Variants in OR1J2 observed in about 807,000 individuals in gnomAD.
OR1J2 encodes the protein olfactory receptor 1J2.
For synonymous variants in OR1J2, 142 were observed against 99.7 expected, an observed-to-expected ratio of 1.42 and a Z score of -2.52; for missense variants, 304 against 246.1, an observed-to-expected ratio of 1.24 and a Z score of -1.57.
At chr9:122,473,369 G>C in the OR1J2 span, among the ~76,000 whole-genome samples, 22,885 of 152,100 alleles carry the variant, frequency 0.15, 1,856 homozygotes, top group East Asian at 0.27. Flanking sequence ...CCCTAGAGAC[G>C]TGCAATGGAT....
chr9:122,472,130 G>T, the OR1J2 span, among the ~76,000 whole-genome samples: 3 of 152,114 alleles, frequency 2.0e-5, no homozygotes, highest in Non-Finnish European at 4.4e-5. Flanking sequence ...TTCAAAGTTG[G>T]ATTTTATCGA....
the OR1J2 span, among the ~76,000 whole-genome samples, chr9:122,578,632 A>G: frequency 1.3e-5 from 2 of 152,160 alleles, no homozygotes; most frequent in African/African-American, 4.8e-5. Context: ...ATAAAAAGGA[A>G]CAAAATAATG....
chr9:122,501,030 T>C, the OR1J2 span, among the ~76,000 whole-genome samples: 1 of 152,156 alleles, frequency 6.6e-6, no homozygotes, highest in African/African-American at 2.4e-5. Context: ...ATAAAAATGA[T>C]ATATAGGCAG....
At chr9:122,535,148 C>A in the OR1J2 span, among the ~76,000 whole-genome samples, 2 of 151,758 alleles carry the variant, frequency 1.3e-5, no homozygotes, top group African/African-American at 4.8e-5. Flanking sequence ...GGGGTTCTTG[C>A]CCTCCAGAAA....
the OR1J2 span, among the ~76,000 whole-genome samples, chr9:122,544,093 A>G: frequency 6.6e-6 from 1 of 152,224 alleles, no homozygotes; most frequent in African/African-American, 2.4e-5. Flanking sequence ...CAATGTATGC[A>G]TAGATCAAAA....
chr9:122,577,448 A>C, the OR1J2 span, among the ~76,000 whole-genome samples: 12 of 152,378 alleles, frequency 7.9e-5, no homozygotes, highest in African/African-American at 2.9e-4. Flanking sequence ...AAACAGAATT[A>C]TAAAAGAAGG....
At chr9:122,487,540 A>G in the OR1J2 span, among the ~76,000 whole-genome samples, 1 of 152,164 alleles carries the variant, frequency 6.6e-6, no homozygotes, top group African/African-American at 2.4e-5. Context: ...GTTCAGTGAT[A>G]AATTCAAATA....
At chr9:122,474,301 T>G in the OR1J2 span, among the ~76,000 whole-genome samples, 1 of 152,240 alleles carries the variant, frequency 6.6e-6, no homozygotes, top group African/African-American at 2.4e-5. Context: ...CAAAATTAAA[T>G]TTAATGATGA....
the OR1J2 span, among the ~76,000 whole-genome samples, chr9:122,500,431 G>GTGTGTT: frequency 6.6e-6 from 1 of 152,170 alleles, no homozygotes; most frequent in Non-Finnish European, 1.5e-5. Context: ...GGGATCTGGG[G>GTGTGTT]TGTGCTTCAT....
chr9:122,510,395 A>G (rs1324694169), upstream of OR1J2, among the ~76,000 whole-genome samples: 1 of 152,202 alleles, frequency 6.6e-6, no homozygotes, highest in Non-Finnish European at 1.5e-5. Flanking sequence ...GACTCTCAGT[A>G]ACATTTGCCT....
At chr9:122,514,649 A>G (rs181089776), downstream of OR1J2, among the ~76,000 whole-genome samples, 373 of 152,262 alleles carry the variant, frequency 2.4e-3, 2 homozygotes, top group African/African-American at 8.5e-3. Flanking sequence ...TCATGTTTAT[A>G]TTATTTGTAT....
the OR1J2 span, chr9:122,568,545 A>C: frequency 8.9e-6 from 8 of 894,984 alleles, no homozygotes; most frequent in South Asian, 8.5e-5. Flanking sequence ...AACACCAATC[A>C]TGAGAACCTA....
At chr9:122,518,285 A>G in the OR1J2 span, among the ~76,000 whole-genome samples, 4 of 152,210 alleles carry the variant, frequency 2.6e-5, no homozygotes, top group African/African-American at 9.6e-5. Context: ...TGTATTATTT[A>G]GTTTACTGAG....
At chr9:122,474,339 TCTC>T in the OR1J2 span, among the ~76,000 whole-genome samples, 1 of 152,182 alleles carries the variant, frequency 6.6e-6, no homozygotes, top group Non-Finnish European at 1.5e-5. Context: ...CCTAAGAGCT[TCTC>T]CTTCTGGCCT....
chr9:122,568,319 G>A, the OR1J2 span: 1 of 1,614,028 alleles, frequency 6.2e-7, no homozygotes, highest in Admixed American at 1.7e-5. Flanking sequence ...GAAGATGGGG[G>A]TTGAAGCGAA....
the OR1J2 span, among the ~76,000 whole-genome samples, chr9:122,459,803 G>A: frequency 1.3e-5 from 2 of 152,106 alleles, no homozygotes; most frequent in African/African-American, 4.8e-5. Flanking sequence ...TACCTGAACA[G>A]TGTACATTGT....
At chr9:122,451,739 C>T in the OR1J2 span, among the ~76,000 whole-genome samples, 1 of 152,196 alleles carries the variant, frequency 6.6e-6, no homozygotes, top group Non-Finnish European at 1.5e-5. Context: ...ATAATCATGT[C>T]AATTTCCTAG....
At chr9:122,511,942 T>C (rs147144869), downstream of OR1J2, among the ~76,000 whole-genome samples, 1 of 152,312 alleles carries the variant, frequency 6.6e-6, no homozygotes, top group African/African-American at 2.4e-5. Context: ...TTTTGGTCAG[T>C]GAATGCCAAA....
At chr9:122,510,740 G>T (rs796445318), upstream of OR1J2, 5 of 961,206 alleles carry the variant, frequency 5.2e-6, no homozygotes, top group African/African-American at 6.5e-5. Context: ...TGCTAAAAAT[G>T]ATAATTTCAG....
Sources: gnomAD v4.1 joint callset for allele counts (sites outside exome capture counted in the v4.1 genomes callset) on GRCh38, gnomAD v4.1.1 for gene constraint, MANE v1.5 for transcripts, NCBI Gene and HGNC (gene_info 2026-07-23, HGNC 2026-07-21) for gene names.